Variants in AR observed in about 807,000 individuals in gnomAD.
AR encodes dihydrotestosterone receptor.
A neutral mutation model predicts 53.9 loss-of-function variants in AR; 8 were observed. That is an observed-to-expected ratio of 0.15 (90% CI 0.09 to 0.27). The LOEUF (loss-of-function observed/expected upper bound fraction) is 0.27. Ranked by LOEUF, AR falls within the 10% of genes least tolerant of loss-of-function variation. The probability of loss-of-function intolerance (pLI) is 1.00; values close to 1 mark genes in which losing one functional copy is unlikely to be tolerated. For synonymous variants in AR, 359 were observed against 316.4 expected (o/e 1.13, Z -1.43); for missense variants, 639 against 742.5 (o/e 0.86, Z 1.62).
At chrX:67,657,399 A>G (rs1926643287) in intron 2 of AR, among the ~76,000 whole-genome samples, 1 of 110,878 alleles carries the variant, frequency 9.0e-6, no homozygotes, top group East Asian at 2.9e-4. Context: ...TCCTCCATGA[A>G]GCATTCACCC....
intron 3 of AR, among the ~76,000 whole-genome samples, chrX:67,707,212 G>C (rs763691864): frequency 9.0e-6 from 1 of 110,511 alleles, no homozygotes; most frequent in Non-Finnish European, 1.9e-5. Context: ...TTTGTGTCTT[G>C]TTGATCTGTC....
intron 3 of AR, chrX:67,695,675 A>C (rs1400341160): frequency 5.1e-5 from 38 of 749,776 alleles, no homozygotes; most frequent in Non-Finnish European, 5.6e-5. Flanking sequence ...CACATGTGAG[A>C]GTCAGAAGGA....
rs1180498424 is a variant in AR, at chrX:67,545,310, T to TGCAGCAGCA, written c.166_167insAGCAGCAGC (p.Leu55_Leu56insGlnGlnGln). Reference sequence around the variant, plus strand: ...GCAGCACCTCCCGGCGCCAGTTTGCTGCTGCTGCAGCAGCAGCAGCAGCAG... The same window carrying TGCAGCAGCA: ...GCAGCACCTCCCGGCGCCAGTTTGCTGCAGCAGCAGCTGCTGCAGCAGCAGCAGCAGCAG... On this transcript the variant is annotated inframe_insertion, in exon 1 of 8. Transcript: ENST00000374690. 8.8e-7 allele frequency: 1 copy of TGCAGCAGCA among 1,140,274 alleles called. No individual in the cohort carries two copies. The highest frequency in any genetic ancestry group is 1.2e-6 in the Non-Finnish European group (1 of 862,653). The allele number at this position is 1,140,274 out of a possible 1,213,427, so 94.0% of individuals were successfully genotyped here.
intron 1 of AR, among the ~76,000 whole-genome samples, chrX:67,615,933 A>T: frequency 8.9e-6 from 1 of 111,755 alleles, no homozygotes; most frequent in East Asian, 2.8e-4. Flanking sequence ...AAAAATGACA[A>T]TAATTATAAA....
At chrX:67,705,314 T>G (rs1378048449) in intron 3 of AR, among the ~76,000 whole-genome samples, 4 of 111,388 alleles carry the variant, frequency 3.6e-5, no homozygotes, top group South Asian at 3.8e-4. Flanking sequence ...TATCCTCTTT[T>G]ATTTCATTGA....
chrX:67,670,033 A>T (rs748626500), intron 2 of AR, among the ~76,000 whole-genome samples: 1,498 of 96,739 alleles, frequency 0.015, 30 homozygotes, highest in African/African-American at 0.052. Flanking sequence ...ATTATTTTTT[A>T]AAAAATTTCA....
chrX:67,576,867 C>G (rs1922069565), intron 1 of AR, among the ~76,000 whole-genome samples: 1 of 109,854 alleles, frequency 9.1e-6, no homozygotes, highest in Admixed American at 9.7e-5. Flanking sequence ...TATTCTCTCT[C>G]TTGGAAAAAA....
intron 2 of AR, among the ~76,000 whole-genome samples, chrX:67,683,852 G>A (rs1215961217): frequency 1.8e-5 from 2 of 109,695 alleles, no homozygotes; most frequent in Non-Finnish European, 3.8e-5. Context: ...ACTATGCTAA[G>A]GAAATTATCC....
chrX:67,549,706 T>G (rs1054980491), intron 1 of AR, among the ~76,000 whole-genome samples: 2 of 111,918 alleles, frequency 1.8e-5, no homozygotes, highest in Non-Finnish European at 3.8e-5. Flanking sequence ...ATGCCAGAAT[T>G]AGAGTTTGGG....
chrX:67,546,220 G>T lies in AR; in HGVS notation c.1074G>T (p.Ala358=), dbSNP rs762267471. ...YKSGALDEAA[A]YQSRDYYNFP... is the part of the protein sequence containing the mutation. ...CCGGAGCACTGGACGAGGCAGCTGCGTACCAGAGTCGCGACTACTACAACT... is the reference window on the plus strand; with the variant it reads ...CCGGAGCACTGGACGAGGCAGCTGCTTACCAGAGTCGCGACTACTACAACT... The change falls in exon 1 of 8, where the codon GCG becomes GCT. Residue 358 remains alanine, a synonymous_variant. Transcript: ENST00000374690. 1 of 1,211,484 alleles carries T rather than the reference G, an allele frequency of 8.3e-7. No homozygotes were observed. Among genetic ancestry groups the T allele is most frequent in the Non-Finnish European group, 1.1e-6 (1 of 895,339 alleles).
intron 1 of AR, among the ~76,000 whole-genome samples, chrX:67,557,479 C>T (rs1921107884): frequency 8.9e-6 from 1 of 112,110 alleles, no homozygotes; most frequent in Non-Finnish European, 1.9e-5. Context: ...GATGAACATC[C>T]TGATGGCTTC....
intron 1 of AR, among the ~76,000 whole-genome samples, chrX:67,549,653 A>G (rs1486830498): frequency 5.4e-5 from 6 of 112,013 alleles, no homozygotes; most frequent in Non-Finnish European, 1.1e-4. Flanking sequence ...GCACAATAAT[A>G]TGACAAAAAT....
chrX:67,702,909 T>A (rs1479687896), intron 3 of AR, among the ~76,000 whole-genome samples: 3 of 111,121 alleles, frequency 2.7e-5, no homozygotes, highest in Admixed American at 9.6e-5. Context: ...CATAGTGAGA[T>A]CCCATCTCTA....
chrX:67,698,536 C>A (rs2076030100), intron 3 of AR, among the ~76,000 whole-genome samples: 1 of 112,640 alleles, frequency 8.9e-6, no homozygotes, highest in Admixed American at 9.4e-5. Flanking sequence ...GAGTTTATGA[C>A]TTTTAGATTT....
Position 67,729,287 on chromosome X carries a change from T to TTGA in AR, c.*5448_*5450dup, listed in dbSNP as rs2147547446. The TTGA allele has an allele frequency of 5.7e-6, 1 of 174,126 alleles. No individual in the cohort carries two copies. The highest frequency in any genetic ancestry group is 3.1e-4 in the South Asian group (1 of 3,207). The allele number at this position is 174,126 out of a possible 1,213,427, so 14.3% of individuals were successfully genotyped here. A position where few individuals can be genotyped will look rare whatever the true frequency, so the allele number is the denominator to read the frequency against. On this transcript the variant is annotated 3_prime_UTR_variant, in exon 8 of 8. Transcript: ENST00000374690. The stretch of plus-strand genomic sequence containing the variant: ...CTGCCCACAGGTAGGGTGTTTTTCT[T>TTGA]TGATTAAGAGATTGACACTTCTGTT...
At chrX:67,559,490 C>T (rs1921206173) in intron 1 of AR, among the ~76,000 whole-genome samples, 1 of 111,936 alleles carries the variant, frequency 8.9e-6, no homozygotes, top group Non-Finnish European at 1.9e-5. Flanking sequence ...ATGCTACCTC[C>T]GTCCCTCTAG....
At chrX:67,658,554 G>T (rs894496297) in intron 2 of AR, among the ~76,000 whole-genome samples, 1 of 111,614 alleles carries the variant, frequency 9.0e-6, no homozygotes, top group African/African-American at 3.3e-5. Flanking sequence ...CAAACTCCTG[G>T]ACTCAAGCAA....
chrX:67,683,658 C>T (rs192822301), intron 2 of AR, among the ~76,000 whole-genome samples: 2 of 112,542 alleles, frequency 1.8e-5, no homozygotes, highest in East Asian at 2.8e-4. Context: ...AGAGATTTTC[C>T]TCTGTAACCT....
At chrX:67,550,333 T>C (rs762828945) in intron 1 of AR, among the ~76,000 whole-genome samples, 1 of 111,907 alleles carries the variant, frequency 8.9e-6, no homozygotes, top group Admixed American at 9.5e-5. Flanking sequence ...CTGGATTTGC[T>C]GGTACGTTTA....
Sources: allele counts gnomAD v4.1 joint callset (sites outside exome capture counted in the v4.1 genomes callset), GRCh38; gene constraint gnomAD v4.1.1; transcripts MANE v1.5; gene names NCBI Gene and HGNC (gene_info 2026-07-23, HGNC 2026-07-21).